Variants in REDIC1 observed in about 807,000 individuals in gnomAD.
REDIC1 encodes regulator of DNA class I crossover intermediates 1.
the REDIC1 span, among the ~76,000 whole-genome samples, chr12:39,639,367 C>T: frequency 2.0e-5 from 3 of 151,878 alleles, no homozygotes; most frequent in Admixed American, 6.6e-5. Flanking sequence ...ATCTCAGAAA[C>T]TAAGTAGGGT....
the REDIC1 span, among the ~76,000 whole-genome samples, chr12:39,870,894 G>A: frequency 1.3e-5 from 2 of 152,236 alleles, no homozygotes; most frequent in South Asian, 4.1e-4. Flanking sequence ...CATCAAATAT[G>A]GGATGAGTGA....
the REDIC1 span, among the ~76,000 whole-genome samples, chr12:39,865,756 T>C: frequency 1.3e-5 from 2 of 152,204 alleles, no homozygotes; most frequent in Admixed American, 6.5e-5. Flanking sequence ...GGCCATGATC[T>C]TTAGCAAACT....
the REDIC1 span, among the ~76,000 whole-genome samples, chr12:39,727,170 C>T: frequency 5.3e-5 from 8 of 152,272 alleles, no homozygotes; most frequent in Non-Finnish European, 1.0e-4. Context: ...TCCCATTTGT[C>T]AATTTTGGCT....
the REDIC1 span, among the ~76,000 whole-genome samples, chr12:39,728,705 A>C: frequency 0.1 from 15,389 of 148,144 alleles, 930 homozygotes; most frequent in Middle Eastern, 0.14. Flanking sequence ...TGTTTGGAGT[A>C]GTTTCAGAAG....
At chr12:39,857,185 C>G in the REDIC1 span, among the ~76,000 whole-genome samples, 1 of 152,174 alleles carries the variant, frequency 6.6e-6, no homozygotes, top group Admixed American at 6.5e-5. Context: ...ACCTCAGAAA[C>G]ACCTTTCTCA....
the REDIC1 span, among the ~76,000 whole-genome samples, chr12:39,877,676 A>C: frequency 3.3e-5 from 5 of 152,256 alleles, no homozygotes. Context: ...CTGAACTTAC[A>C]TTTAAAAACA....
At chr12:39,824,187 A>G in the REDIC1 span, among the ~76,000 whole-genome samples, 1 of 152,258 alleles carries the variant, frequency 6.6e-6, no homozygotes, top group Non-Finnish European at 1.5e-5. Flanking sequence ...TATAATTATC[A>G]TATAAACTAT....
At chr12:39,783,007 C>T in the REDIC1 span, among the ~76,000 whole-genome samples, 1 of 152,120 alleles carries the variant, frequency 6.6e-6, no homozygotes, top group Non-Finnish European at 1.5e-5. Context: ...TCTCTTAATG[C>T]TATCCCTCCC....
At chr12:39,811,162 C>G in the REDIC1 span, among the ~76,000 whole-genome samples, 1 of 152,008 alleles carries the variant, frequency 6.6e-6, no homozygotes, top group African/African-American at 2.4e-5. Flanking sequence ...TAGAAGTGCT[C>G]TCTTTTAATT....
the REDIC1 span, among the ~76,000 whole-genome samples, chr12:39,898,906 A>C: frequency 6.6e-6 from 1 of 152,212 alleles, no homozygotes; most frequent in Non-Finnish European, 1.5e-5. Context: ...AGAAAAAGGA[A>C]AGGAGAGAAG....
chr12:39,728,480 A>G, the REDIC1 span, among the ~76,000 whole-genome samples: 1 of 152,160 alleles, frequency 6.6e-6, no homozygotes, highest in Non-Finnish European at 1.5e-5. Context: ...CCAGCCTTGC[A>G]TCTCAGGGAT....
At chr12:39,693,117 A>C in the REDIC1 span, among the ~76,000 whole-genome samples, 2 of 152,210 alleles carry the variant, frequency 1.3e-5, no homozygotes, top group South Asian at 4.1e-4. Flanking sequence ...ATGTGTCTTT[A>C]ATATGTCTAT....
At chr12:39,838,789 T>C in the REDIC1 span, among the ~76,000 whole-genome samples, 2 of 152,096 alleles carry the variant, frequency 1.3e-5, no homozygotes, top group East Asian at 3.9e-4. Context: ...ATTTAGAACA[T>C]TTTTAGTTTC....
chr12:39,816,139 T>A, the REDIC1 span, among the ~76,000 whole-genome samples: 1 of 152,202 alleles, frequency 6.6e-6, no homozygotes, highest in Non-Finnish European at 1.5e-5. Flanking sequence ...TGCCTATTCC[T>A]TTTTAAGTTT....
At chr12:39,712,692 TATACGTGTATATATGTATATAGACG>T in the REDIC1 span, among the ~76,000 whole-genome samples, 1 of 3,728 alleles carries the variant, frequency 2.7e-4, no homozygotes, top group African/African-American at 2.2e-3. Flanking sequence ...TATATATACG[TATACGTGTATATATGTATATAGACG>T]TATACGTGTA....
the REDIC1 span, among the ~76,000 whole-genome samples, chr12:39,698,515 A>G: frequency 6.6e-6 from 1 of 152,234 alleles, no homozygotes; most frequent in South Asian, 2.1e-4. Flanking sequence ...TATTTACAGA[A>G]CATTTCATCC....
At chr12:39,657,377 C>G in the REDIC1 span, among the ~76,000 whole-genome samples, 16 of 152,242 alleles carry the variant, frequency 1.1e-4, no homozygotes, top group South Asian at 3.1e-3. Flanking sequence ...TAAGTACACC[C>G]TATGATGTTC....
At chr12:39,704,647 C>T in the REDIC1 span, among the ~76,000 whole-genome samples, 12 of 152,018 alleles carry the variant, frequency 7.9e-5, no homozygotes, top group Admixed American at 7.9e-4. Context: ...GCATTATTTA[C>T]AATAGCAAAG....
chr12:39,642,409 G>A, the REDIC1 span, among the ~76,000 whole-genome samples: 1 of 151,488 alleles, frequency 6.6e-6, no homozygotes, highest in South Asian at 2.1e-4. Context: ...TTCCAAAGAA[G>A]TCTTCCATGT....
Sources: allele counts gnomAD v4.1 joint callset (sites outside exome capture counted in the v4.1 genomes callset), GRCh38; gene constraint gnomAD v4.1.1; transcripts MANE v1.5; gene names NCBI Gene and HGNC (gene_info 2026-07-23, HGNC 2026-07-21).